The following DACH1 variants were observed in gnomAD, a reference collection of about 807,000 sequenced individuals.
DACH1 encodes dachshund homolog 1.
Under a neutral mutation model 54.2 loss-of-function variants are expected in DACH1, and 12 were observed. The observed-to-expected ratio is 0.22, with a 90% confidence interval of 0.14 to 0.36. The LOEUF is 0.36. Among genes scored for constraint, DACH1 ranks in the 10% least tolerant of loss-of-function variants. The pLI, the probability that DACH1 is intolerant of heterozygous loss-of-function variation, is 1.00. For synonymous variants in DACH1, 386 were observed against 366.2 expected (o/e 1.05, Z -0.62); for missense variants, 805 against 929.8 (o/e 0.87, Z 1.75).
intron 6 of DACH1, among the ~76,000 whole-genome samples, chr13:71,489,627 A>C (rs77958521): frequency 6.6e-6 from 1 of 152,128 alleles, no homozygotes; most frequent in Non-Finnish European, 1.5e-5. Context: ...AGGAATTTAC[A>C]AAAGAATGTA....
chr13:71,465,026 AT>A (rs1482649174), intron 10 of DACH1, among the ~76,000 whole-genome samples: 2 of 152,078 alleles, frequency 1.3e-5, no homozygotes, highest in Admixed American at 1.3e-4. Flanking sequence ...GTTCTCATTA[AT>A]ATGGTTTGAA....
chr13:71,698,506 A>G (rs1455467365), intron 1 of DACH1, among the ~76,000 whole-genome samples: 1 of 152,130 alleles, frequency 6.6e-6, no homozygotes, highest in Non-Finnish European at 1.5e-5. Flanking sequence ...TGATAAATCT[A>G]AAAATTCATT....
At chr13:71,501,290 T>C (rs1451731367) in intron 6 of DACH1, among the ~76,000 whole-genome samples, 1 of 152,148 alleles carries the variant, frequency 6.6e-6, no homozygotes, top group Admixed American at 6.6e-5. Context: ...TTAGCAGTGC[T>C]TGGTTTTTCA....
At chr13:71,619,237 A>G (rs1313859820) in intron 3 of DACH1, among the ~76,000 whole-genome samples, 1 of 151,962 alleles carries the variant, frequency 6.6e-6, no homozygotes, top group African/African-American at 2.4e-5. Context: ...TGCAGAGAGC[A>G]AAGGATTAAA....
chr13:71,672,647 T>A (rs1313029765), intron 2 of DACH1, among the ~76,000 whole-genome samples: 1 of 152,132 alleles, frequency 6.6e-6, no homozygotes, highest in Non-Finnish European at 1.5e-5. Context: ...AAAAAGTTTA[T>A]CTTGCTTTGC....
intron 1 of DACH1, among the ~76,000 whole-genome samples, chr13:71,716,692 A>G (rs1326783302): frequency 6.6e-6 from 1 of 152,084 alleles, no homozygotes; most frequent in Non-Finnish European, 1.5e-5. Context: ...TGCCAACAAA[A>G]CCTTTAAATG....
At chr13:71,716,851 G>T (rs926386601) in intron 1 of DACH1, among the ~76,000 whole-genome samples, 10 of 152,064 alleles carry the variant, frequency 6.6e-5, no homozygotes, top group Non-Finnish European at 7.4e-5. Context: ...TTTACTTTAA[G>T]TTCTGGGATA....
At chr13:71,522,305 A>T (rs1057213744) in intron 6 of DACH1, among the ~76,000 whole-genome samples, 1 of 152,038 alleles carries the variant, frequency 6.6e-6, no homozygotes, top group African/African-American at 2.4e-5. Context: ...TGAGATTCAG[A>T]TCTCAGAAGT....
intron 1 of DACH1, among the ~76,000 whole-genome samples, chr13:71,801,976 A>G (rs1419697087): frequency 2.6e-5 from 4 of 152,148 alleles, no homozygotes; most frequent in Non-Finnish European, 4.4e-5. Flanking sequence ...CACCCTGTCC[A>G]TCTGTCAGAG....
chr13:71,547,104 A>G (rs1251495110), intron 6 of DACH1, among the ~76,000 whole-genome samples: 2 of 152,084 alleles, frequency 1.3e-5, no homozygotes, highest in Non-Finnish European at 2.9e-5. Flanking sequence ...CCTTCAAACG[A>G]AAAAACTAAA....
intron 6 of DACH1, among the ~76,000 whole-genome samples, chr13:71,507,738 T>C (rs1010376169): frequency 2.0e-5 from 3 of 152,182 alleles, no homozygotes. Flanking sequence ...ACACAATTCT[T>C]ACAGCATGGC....
chr13:71,505,396 T>C (rs962613086), intron 6 of DACH1, among the ~76,000 whole-genome samples: 3 of 152,154 alleles, frequency 2.0e-5, no homozygotes, highest in Non-Finnish European at 4.4e-5. Context: ...ATTTTCTTAA[T>C]AGTATATTTA....
At chr13:71,858,266 G>A (rs1874131314) in intron 1 of DACH1, among the ~76,000 whole-genome samples, 1 of 151,568 alleles carries the variant, frequency 6.6e-6, no homozygotes, top group South Asian at 2.1e-4. Flanking sequence ...AACTGGAAAG[G>A]CAATCTAATT....
chr13:71,840,664 A>G (rs961487759), intron 1 of DACH1, among the ~76,000 whole-genome samples: 3 of 152,230 alleles, frequency 2.0e-5, no homozygotes, highest in Admixed American at 6.5e-5. Flanking sequence ...CCATTGCTAC[A>G]AAGTTAAGAT....
intron 10 of DACH1, among the ~76,000 whole-genome samples, chr13:71,451,527 C>T (rs1875057986): frequency 6.6e-6 from 1 of 152,132 alleles, no homozygotes; most frequent in Non-Finnish European, 1.5e-5. Flanking sequence ...GGGAAGAACA[C>T]AGCCCCACTG....
At position 71,582,451 on chromosome 13, in the gene DACH1, A is replaced by G. The variant is rs1217152961; in HGVS notation, c.1127-9439T>C. The stretch of plus-strand genomic sequence containing the variant: ...AACAATCCTAACTACTATTTAAGGT[A>G]GACAGCCTAAAGAAAGACAAAACCA... On this transcript the variant is annotated intron_variant, in intron 3 of 10. Transcript: ENST00000613252. 2.0e-5 allele frequency among the ~76,000 whole-genome samples: 3 copies of G among 152,196 alleles called. No homozygotes were observed. In the South Asian group the frequency reaches 6.2e-4, roughly 31 times the overall value.
chr13:71,677,227 T>A (rs1459857766), intron 2 of DACH1, among the ~76,000 whole-genome samples: 1 of 152,178 alleles, frequency 6.6e-6, no homozygotes, highest in Admixed American at 6.5e-5. Context: ...GATGAATTAT[T>A]TCAAACTGGT....
At chr13:71,441,587 T>A (rs1241754235) in intron 10 of DACH1, among the ~76,000 whole-genome samples, 4 of 152,028 alleles carry the variant, frequency 2.6e-5, no homozygotes, top group Non-Finnish European at 5.9e-5. Context: ...TTTTCCGAGC[T>A]TTGAAAAGTA....
At chr13:71,550,538 G>A (rs1170187557) in intron 6 of DACH1, among the ~76,000 whole-genome samples, 1 of 152,092 alleles carries the variant, frequency 6.6e-6, no homozygotes, top group Non-Finnish European at 1.5e-5. Context: ...AAATATTATA[G>A]TCTATATTTT....
Sources: allele counts gnomAD v4.1 joint callset (sites outside exome capture counted in the v4.1 genomes callset), GRCh38; gene constraint gnomAD v4.1.1; transcripts MANE v1.5; gene names NCBI Gene and HGNC (gene_info 2026-07-23, HGNC 2026-07-21).